TRABD2A: variants seen among roughly 807,000 people sequenced by gnomAD.
The protein encoded by TRABD2A is metalloprotease TIKI1.
Under a neutral mutation model 45.6 loss-of-function variants are expected in TRABD2A, and 43 were observed. That is an observed-to-expected ratio of 0.94 (90% CI 0.74 to 1.22). The LOEUF (loss-of-function observed/expected upper bound fraction) is 1.22, where lower values mean the gene tolerates loss of function less well. Among genes scored for constraint, TRABD2A ranks in the 50% most tolerant of loss-of-function variants. The pLI is 0.00. For synonymous variants in TRABD2A, 269 were observed against 265.0 expected, an observed-to-expected ratio of 1.02 and a Z score of -0.15; for missense variants, 642 against 652.4, an observed-to-expected ratio of 0.98 and a Z score of 0.17.
At chr2:84,845,312 A>G (rs2105385095) in intron 2 of TRABD2A, among the ~76,000 whole-genome samples, 1 of 152,376 alleles carries the variant, frequency 6.6e-6, no homozygotes, top group Admixed American at 6.5e-5. Flanking sequence ...AGATTGTGCC[A>G]CTGCACTCCA....
intron 3 of TRABD2A, among the ~76,000 whole-genome samples, chr2:84,841,261 C>G (rs887843086): frequency 6.6e-6 from 1 of 152,214 alleles, no homozygotes; most frequent in Non-Finnish European, 1.5e-5. Context: ...AGACCATGAT[C>G]TTCTGAGGCT....
At chr2:84,865,524 A>G (rs1682647906) in intron 2 of TRABD2A, among the ~76,000 whole-genome samples, 1 of 152,242 alleles carries the variant, frequency 6.6e-6, no homozygotes, top group Admixed American at 6.5e-5. Flanking sequence ...AGCAGAGGGA[A>G]ACTCCAGAAC....
chr2:84,835,231 TAG>T (rs1681463950), intron 4 of TRABD2A: 1 of 151,662 alleles, frequency 6.6e-6, no homozygotes, highest in East Asian at 1.9e-4. Context: ...GAGGAAAAAC[TAG>T]AGGTCACTAG....
At chr2:84,867,882 G>A (rs1682735026) in intron 2 of TRABD2A, among the ~76,000 whole-genome samples, 1 of 152,222 alleles carries the variant, frequency 6.6e-6, no homozygotes, top group Admixed American at 6.5e-5. Context: ...AAACCACAAT[G>A]AGATATCATC....
intron 6 of TRABD2A, 51 bp downstream of exon 6, chr2:84,823,902 G>A: frequency 2.5e-6 from 4 of 1,599,712 alleles, no homozygotes; most frequent in African/African-American, 1.3e-5. Flanking sequence ...TCCTGGGTCC[G>A]CTCACTAGGG....
intron 3 of TRABD2A, among the ~76,000 whole-genome samples, chr2:84,839,999 C>A (rs1442088545): frequency 1.3e-5 from 2 of 152,160 alleles, no homozygotes; most frequent in Non-Finnish European, 2.9e-5. Context: ...CTCCCCACCC[C>A]CTCAGCTGTC....
At chr2:84,855,971 C>A (rs1682287649) in intron 2 of TRABD2A, among the ~76,000 whole-genome samples, 1 of 152,182 alleles carries the variant, frequency 6.6e-6, no homozygotes, top group Non-Finnish European at 1.5e-5. Context: ...AAAGGCACCG[C>A]CCATTACGCG....
At position 84,866,383 on chromosome 2, in the gene TRABD2A, C is replaced by T. The variant is rs76834945; in HGVS notation, c.669+3842G>A. ...TAAAAAAGAAAAAAAATCATGCTAA[C>T]CACATAAAACAGAACTGCAAGTCGG... On this transcript the variant is annotated intron_variant, in intron 2 of 6. Transcript: ENST00000409520. 4.2e-3 allele frequency among the ~76,000 whole-genome samples: 645 copies of T among 152,302 alleles called. 6 individuals carry two copies. The highest frequency in any genetic ancestry group is 6.8e-3 in the Middle Eastern group (2 of 294).
intron 4 of TRABD2A, chr2:84,834,576 A>C (rs1681439974): frequency 6.6e-6 from 1 of 152,390 alleles, no homozygotes; most frequent in African/African-American, 2.4e-5. Context: ...CCTGGCAACC[A>C]CTAATCTATG....
chr2:84,823,364 G>A (rs11674022), intron 6 of TRABD2A, among the ~76,000 whole-genome samples: 20,291 of 152,106 alleles, frequency 0.13, 2,309 homozygotes, highest in African/African-American at 0.31. Flanking sequence ...CATAGCATCC[G>A]ACACAACAGC....
chr2:84,867,179 G>T (rs968026618), intron 2 of TRABD2A, among the ~76,000 whole-genome samples: 1 of 151,848 alleles, frequency 6.6e-6, no homozygotes, highest in African/African-American at 2.4e-5. Context: ...AGAACAAGTC[G>T]TTTTCCTCCT....
At chr2:84,866,941 C>T (rs1249950777) in intron 2 of TRABD2A, among the ~76,000 whole-genome samples, 1 of 152,030 alleles carries the variant, frequency 6.6e-6, no homozygotes, top group Non-Finnish European at 1.5e-5. Context: ...AAAAATTAGC[C>T]AGGCGTGGTG....
chr2:84,880,930 A>G lies in TRABD2A; in HGVS notation c.108+2T>C, dbSNP rs1435407943. ...CTCTCCAGCACCCGACGCGCGCCTT[A>G]CTTGGGGCTTGAGCTCGCAGTTGGC... On this transcript the variant is annotated splice_donor_variant, in intron 1 of 6. Coordinates refer to ENST00000409520, the MANE Select transcript of TRABD2A (RefSeq NM_001277053.2). LOFTEE classifies it high-confidence loss of function. The G allele has an allele frequency of 6.3e-7, 1 of 1,590,596 alleles. No individual in the cohort carries two copies. Among genetic ancestry groups the G allele is most frequent in the Non-Finnish European group, 8.6e-7 (1 of 1,169,252 alleles).
In TRABD2A at chr2:84,880,959, G is replaced by T. The variant is rs776280888; in HGVS notation, c.81C>A (p.Gly27=). ...GGGGCTTGAGCTCGCAGTTGGCGGT[G>T]CCGGGCGCCCCGCGCCGCGAAGCTG... ...TGAASRRGAP[G]TANCELKPQQ... is the part of the protein sequence containing the mutation. Residue 27 remains glycine (G), a synonymous_variant, in exon 1 of 7, where the codon GGC becomes GGA. Coordinates refer to ENST00000409520, the MANE Select transcript of TRABD2A (RefSeq NM_001277053.2). 11 of 1,598,976 alleles carry T rather than the reference G, an allele frequency of 6.9e-6. No individual in the cohort carries two copies. Among genetic ancestry groups the T allele is most frequent in the Non-Finnish European group, 9.4e-6 (11 of 1,173,728 alleles).
chr2:84,879,595 G>C (rs1277583868), intron 1 of TRABD2A: 1 of 985,098 alleles, frequency 1.0e-6, no homozygotes, highest in African/African-American at 1.7e-5. Context: ...AGACTCACTC[G>C]TCATAATTAC....
At chr2:84,862,561 C>T (rs1682534643) in intron 2 of TRABD2A, among the ~76,000 whole-genome samples, 1 of 152,106 alleles carries the variant, frequency 6.6e-6, no homozygotes, top group Non-Finnish European at 1.5e-5. Flanking sequence ...ACCCCAGCAG[C>T]ATGTGTGGCA....
intron 4 of TRABD2A, chr2:84,836,123 T>C (rs1681499247): frequency 6.6e-6 from 1 of 152,134 alleles, no homozygotes; most frequent in Non-Finnish European, 1.5e-5. Flanking sequence ...GAAGAAACAA[T>C]GAAAGCATCA....
Position 84,824,013 on chromosome 2 carries a change from C to G in TRABD2A, c.1274G>C (p.Arg425Pro). ...AEQRFRKKRRRSQRRPRLRQF... is the reference protein window; with the variant it reads ...AEQRFRKKRRPSQRRPRLRQF... ...CCGGAGTCGCGGCCTCCGCTGTGACCGCCTCCGCTTCTTCCGGAACCTCTG... is the reference window on the plus strand; with the variant it reads ...CCGGAGTCGCGGCCTCCGCTGTGACGGCCTCCGCTTCTTCCGGAACCTCTG... Residue 425 changes from arginine to proline, a missense_variant, in exon 6 of 7, where the codon CGG becomes CCG. By Grantham distance (103) the Arg-to-Pro change is moderately radical (BLOSUM62 -2). Coordinates refer to ENST00000409520, the MANE Select transcript of TRABD2A (RefSeq NM_001277053.2). 6.2e-7 allele frequency: 1 copy of G among 1,613,722 alleles called. No homozygotes were observed. Among genetic ancestry groups the G allele is most frequent in the Non-Finnish European group, 8.5e-7 (1 of 1,179,750 alleles).
At chr2:84,839,104 A>G (rs1251841797) in intron 4 of TRABD2A, 45 bp downstream of exon 4, 8 of 1,601,856 alleles carry the variant, frequency 5.0e-6, no homozygotes, top group Non-Finnish European at 6.8e-6. Context: ...TTCTTGGGAG[A>G]AGCCTCAGAT....
Sources: allele counts gnomAD v4.1 joint callset (sites outside exome capture counted in the v4.1 genomes callset), GRCh38; gene constraint gnomAD v4.1.1; transcripts MANE v1.5; gene names NCBI Gene and HGNC (gene_info 2026-07-23, HGNC 2026-07-21).